The following ZNF385D variants were observed in gnomAD, a reference collection of about 807,000 sequenced individuals.
ZNF385D encodes zinc finger protein 385D.
ZNF385D carries 15 observed loss-of-function variants against 35.8 expected under a neutral mutation model. The ratio of observed to expected loss-of-function variants is 0.42; its 90% CI spans 0.28 to 0.64. The LOEUF (loss-of-function observed/expected upper bound fraction) is 0.64. ZNF385D is among the 30% of genes least tolerant of loss of function. ZNF385D has a pLI of 0.23. For missense variants in ZNF385D, 474 were observed against 494.6 expected (o/e 0.96, Z 0.39); for synonymous variants, 212 against 186.8 (o/e 1.13, Z -1.10).
intron 3 of ZNF385D, among the ~76,000 whole-genome samples, chr3:21,842,115 C>T (rs1485195643): frequency 6.6e-6 from 1 of 151,814 alleles, no homozygotes; most frequent in African/African-American, 2.4e-5. Flanking sequence ...AAGCTGCTTT[C>T]TCTTTCAGAT....
At chr3:22,033,330 A>G (rs1411269509) in intron 3 of ZNF385D, among the ~76,000 whole-genome samples, 1 of 151,696 alleles carries the variant, frequency 6.6e-6, no homozygotes. Context: ...TGAACCCAGG[A>G]GACAGAGGTT....
At chr3:21,565,056 A>T (rs1405872559) in intron 2 of ZNF385D, among the ~76,000 whole-genome samples, 1 of 152,218 alleles carries the variant, frequency 6.6e-6, no homozygotes, top group Non-Finnish European at 1.5e-5. Flanking sequence ...TTGCCCAAAA[A>T]TGGATTTCAA....
intron 3 of ZNF385D, among the ~76,000 whole-genome samples, chr3:21,762,266 C>T (rs185435652): frequency 6.6e-6 from 1 of 152,234 alleles, no homozygotes; most frequent in East Asian, 1.9e-4. Context: ...TTCTTCCTTT[C>T]CACTACTATC....
intron 3 of ZNF385D, among the ~76,000 whole-genome samples, chr3:21,514,192 A>G (rs1464489861): frequency 6.6e-6 from 1 of 152,158 alleles, no homozygotes; most frequent in East Asian, 1.9e-4. Flanking sequence ...ATTATTTATC[A>G]GCAATTTTCT....
At chr3:21,612,115 G>A (rs1390562654) in intron 2 of ZNF385D, among the ~76,000 whole-genome samples, 1 of 152,080 alleles carries the variant, frequency 6.6e-6, no homozygotes, top group Non-Finnish European at 1.5e-5. Flanking sequence ...GTGTCGCTCT[G>A]TAGCCCAGCC....
intron 3 of ZNF385D, among the ~76,000 whole-genome samples, chr3:21,553,261 T>C (rs149182760): frequency 4.6e-5 from 7 of 152,272 alleles, no homozygotes; most frequent in Non-Finnish European, 5.9e-5. Flanking sequence ...CTCAGAAATA[T>C]TGCAATTTGG....
At position 22,216,189 on chromosome 3, in the gene ZNF385D, T is replaced by C. The variant is rs181075089; in HGVS notation, c.107-47154A>G. 9.4e-3 allele frequency among the ~76,000 whole-genome samples: 1,435 copies of C among 152,236 alleles called. 14 individuals carry two copies. Among genetic ancestry groups the C allele is most frequent in the Middle Eastern group, 0.017 (5 of 294 alleles). On this transcript the variant is annotated intron_variant, in intron 2 of 5. Coordinates refer to the ZNF385D transcript ENST00000494108. ...TGACTTTGATCACTTTGTCTCTCCT[T>C]GCCAGAATATTTTTTCCTTATGTTA...
At chr3:21,905,465 A>T (rs756112299) in intron 3 of ZNF385D, among the ~76,000 whole-genome samples, 1 of 151,904 alleles carries the variant, frequency 6.6e-6, no homozygotes, top group Admixed American at 6.6e-5. Flanking sequence ...TTTCTAACCA[A>T]GGCACACTGC....
intron 3 of ZNF385D, among the ~76,000 whole-genome samples, chr3:21,895,410 G>A (rs955624359): frequency 7.3e-6 from 1 of 137,578 alleles, no homozygotes; most frequent in Admixed American, 8.3e-5. Context: ...TCACTGCAAC[G>A]TCTGCCTCTG....
intron 2 of ZNF385D, among the ~76,000 whole-genome samples, chr3:22,250,155 T>A (rs1463091276): frequency 6.6e-6 from 1 of 152,126 alleles, no homozygotes; most frequent in Non-Finnish European, 1.5e-5. Context: ...CCAATTTTAT[T>A]TATATGTAGC....
Position 21,412,364 on chromosome 3 carries a change from A to C in ZNF385D, c.*8850T>G, listed in dbSNP as rs770362979. 12 of 152,092 alleles carry C rather than the reference A, an allele frequency of 7.9e-5. No homozygotes were observed. The highest frequency in any genetic ancestry group is 2.0e-4 in the Admixed American group (3 of 15,256). 9.4% of individuals were successfully genotyped at this position (152,092 alleles called of 1,614,324 possible). ...ATATAGGTTTACCATAACTCTCAGAACAGGAGTATATTACAAACAAGTGGA... is the reference window on the plus strand; with the variant it reads ...ATATAGGTTTACCATAACTCTCAGACCAGGAGTATATTACAAACAAGTGGA... On this transcript the variant is annotated 3_prime_UTR_variant, in exon 8 of 8. Transcript: ENST00000281523.
chr3:21,839,845 T>G (rs2125784073), intron 3 of ZNF385D, among the ~76,000 whole-genome samples: 1 of 152,070 alleles, frequency 6.6e-6, no homozygotes, highest in East Asian at 1.9e-4. Context: ...CCAGAACTGA[T>G]CTCCAGGTCT....
chr3:22,304,129 G>T (rs188033873), intron 2 of ZNF385D, among the ~76,000 whole-genome samples: 1 of 152,170 alleles, frequency 6.6e-6, no homozygotes, highest in Admixed American at 6.5e-5. Context: ...ATAAAAATCT[G>T]GCTTAGGTCT....
chr3:21,494,979 T>A (rs1705714716), intron 4 of ZNF385D, among the ~76,000 whole-genome samples: 2 of 152,212 alleles, frequency 1.3e-5, no homozygotes, highest in African/African-American at 4.8e-5. Context: ...GCACTGTATC[T>A]GCTATTTTCT....
At chr3:21,700,498 A>G (rs1378258776) in intron 1 of ZNF385D, among the ~76,000 whole-genome samples, 3 of 152,164 alleles carry the variant, frequency 2.0e-5, no homozygotes, top group Non-Finnish European at 4.4e-5. Context: ...TTTCCTGAGA[A>G]TGAACAGCCA....
chr3:21,684,942 A>G (rs1043044720), intron 1 of ZNF385D, among the ~76,000 whole-genome samples: 5 of 152,196 alleles, frequency 3.3e-5, no homozygotes, highest in Non-Finnish European at 5.9e-5. Flanking sequence ...GCAAACTCGT[A>G]TGGCAATTTG....
intron 3 of ZNF385D, among the ~76,000 whole-genome samples, chr3:22,017,659 T>A (rs9840212): frequency 0.057 from 8,738 of 152,036 alleles, 833 homozygotes; most frequent in African/African-American, 0.19. Context: ...CATTTTATAA[T>A]GCTTTAACAA....
At chr3:21,769,962 A>T (rs1465309550) in intron 3 of ZNF385D, among the ~76,000 whole-genome samples, 1 of 152,150 alleles carries the variant, frequency 6.6e-6, no homozygotes, top group Non-Finnish European at 1.5e-5. Flanking sequence ...TCTTTGACAA[A>T]ACTGACAAAA....
chr3:22,203,685 G>A (rs1160089743), intron 2 of ZNF385D, among the ~76,000 whole-genome samples: 1 of 152,154 alleles, frequency 6.6e-6, no homozygotes, highest in African/African-American at 2.4e-5. Context: ...AACATCAGCA[G>A]TGGCCTGGCA....
Sources: gnomAD v4.1 joint callset for allele counts (sites outside exome capture counted in the v4.1 genomes callset) on GRCh38, gnomAD v4.1.1 for gene constraint, MANE v1.5 for transcripts, NCBI Gene and HGNC (gene_info 2026-07-23, HGNC 2026-07-21) for gene names.